Variants in SEPSECS observed in about 807,000 individuals in gnomAD.
The protein encoded by SEPSECS is O-phosphoseryl-tRNA(Sec) selenium transferase.
SEPSECS carries 42 observed loss-of-function variants against 52.1 expected under a neutral mutation model. That is an observed-to-expected ratio of 0.81 (90% CI 0.63 to 1.04). SEPSECS has a LOEUF of 1.04. Among genes scored for constraint, SEPSECS ranks in the 50% least tolerant of loss-of-function variants. The probability of loss-of-function intolerance (pLI) is 0.00; values close to 1 mark genes in which losing one functional copy is unlikely to be tolerated. For synonymous variants in SEPSECS, 216 were observed against 211.4 expected (o/e 1.02, Z -0.19); for missense variants, 590 against 610.6 (o/e 0.97, Z 0.36).
chr4:25,133,421 C>T (rs1420401494), intron 8 of SEPSECS, among the ~76,000 whole-genome samples: 1 of 152,206 alleles, frequency 6.6e-6, no homozygotes, highest in African/African-American at 2.4e-5. Context: ...TGAAACTGAG[C>T]TGCCTGCTGG....
intron 8 of SEPSECS, among the ~76,000 whole-genome samples, chr4:25,137,070 T>C (rs1400922748): frequency 6.6e-6 from 1 of 152,160 alleles, no homozygotes. Context: ...TAACTCAAGA[T>C]GGATTAAAGA....
rs1243369867 is a variant in SEPSECS at position 25,123,219 on chromosome 4, A to G, written c.*712T>C. On this transcript the variant is annotated 3_prime_UTR_variant, in exon 11 of 11. Coordinates refer to ENST00000382103, the MANE Select transcript of SEPSECS (RefSeq NM_016955.4). ...TTCTCTTTACTCAAGGAGTTTATCT[A>G]CTTTAGAGGAGTATTTCTCAACCTC... 6.6e-6 allele frequency: 1 copy of G among 152,388 alleles called. No homozygotes were observed. Among genetic ancestry groups the G allele is most frequent in the Non-Finnish European group, 1.5e-5 (1 of 68,188 alleles). The allele number at this position is 152,388 out of a possible 1,614,324, so 9.4% of individuals were successfully genotyped here. A position where few individuals can be genotyped will look rare whatever the true frequency, so the allele number is the denominator to read the frequency against.
chr4:25,140,404 A>T (rs1226587702), intron 8 of SEPSECS, among the ~76,000 whole-genome samples: 2 of 152,206 alleles, frequency 1.3e-5, no homozygotes, highest in South Asian at 4.1e-4. Context: ...ACAGCCATAT[A>T]AATCCACCAG....
chr4:25,128,782 C>G (rs1242223912), intron 8 of SEPSECS, among the ~76,000 whole-genome samples: 1 of 151,908 alleles, frequency 6.6e-6, no homozygotes, highest in Non-Finnish European at 1.5e-5. Flanking sequence ...AACAAACAGC[C>G]AGGGGCTAAC....
At chr4:25,141,635 G>A (rs1312806720) in intron 8 of SEPSECS, among the ~76,000 whole-genome samples, 1 of 152,130 alleles carries the variant, frequency 6.6e-6, no homozygotes, top group Non-Finnish European at 1.5e-5. Flanking sequence ...TATCCATCCA[G>A]CTTCTGCCCT....
At position 25,151,069 on chromosome 4, in the gene SEPSECS, T is replaced by C. The variant is rs12510462; in HGVS notation, c.804+891A>G. On this transcript the variant is annotated intron_variant, in intron 6 of 10. Transcript: ENST00000382103. ...TTGACATGTATGTCAAAACTGAGTA[T>C]GTATATTAACATCATTATGCACACA... Among the ~76,000 whole-genome samples the C allele has an allele frequency of 0.011, 1,733 of 152,342 alleles. 74 individuals are homozygous for C. The East Asian group carries it at 0.12, about 10-fold the overall frequency.
At chr4:25,149,317 C>T (rs1386445109) in intron 6 of SEPSECS, among the ~76,000 whole-genome samples, 2 of 152,098 alleles carry the variant, frequency 1.3e-5, no homozygotes, top group Non-Finnish European at 2.9e-5. Context: ...CCACAAGCTT[C>T]AGCCTTCCAA....
chr4:25,146,378 C>T (rs1396411381), intron 6 of SEPSECS, among the ~76,000 whole-genome samples: 1 of 152,252 alleles, frequency 6.6e-6, no homozygotes, highest in East Asian at 1.9e-4. Context: ...CTTAACCTTC[C>T]TCTTCCTCTT....
At chr4:25,157,605 C>T (rs1421008267) in intron 2 of SEPSECS, among the ~76,000 whole-genome samples, 1 of 148,590 alleles carries the variant, frequency 6.7e-6, no homozygotes, top group African/African-American at 2.5e-5. Flanking sequence ...AGTGCAGTGG[C>T]GCGATCTCGG....
intron 8 of SEPSECS, among the ~76,000 whole-genome samples, chr4:25,141,819 C>G (rs918286798): frequency 6.6e-6 from 1 of 152,198 alleles, no homozygotes; most frequent in South Asian, 2.1e-4. Flanking sequence ...CCTCAACTCC[C>G]ACAGTTCTCC....
At chr4:25,144,657 T>C in intron 8 of SEPSECS, 117 bp downstream of exon 8, 1 of 757,310 alleles carries the variant, frequency 1.3e-6, no homozygotes, top group East Asian at 2.5e-5. Flanking sequence ...ATAAATACTA[T>C]CGGACCATAC....
chr4:25,130,737 C>A (rs1277998266), intron 8 of SEPSECS, among the ~76,000 whole-genome samples: 1 of 152,096 alleles, frequency 6.6e-6, no homozygotes, highest in East Asian at 1.9e-4. Context: ...ATTAATATTA[C>A]TACATTTTAA....
chr4:25,145,222 A>G, intron 6 of SEPSECS, 89 bp from the exon 7 acceptor site: 1 of 1,313,350 alleles, frequency 7.6e-7, no homozygotes, highest in East Asian at 2.4e-5. Flanking sequence ...AATTATAACT[A>G]TTTGAGTTAA....
intron 1 of SEPSECS, chr4:25,159,650 T>C (rs1424916975): frequency 2.4e-5 from 8 of 339,866 alleles, no homozygotes; most frequent in African/African-American, 1.8e-4. Context: ...CGGGCGCCTG[T>C]AGTCCCAGCT....
In SEPSECS at chr4:25,144,878, G is replaced by T; in HGVS notation, c.935-13C>A. 6 of 1,605,058 alleles carry T rather than the reference G, an allele frequency of 3.7e-6. No individual in the cohort carries two copies. The highest frequency in any genetic ancestry group is 5.1e-6 in the Non-Finnish European group (6 of 1,172,012). On this transcript the variant is annotated splice_polypyrimidine_tract_variant and intron_variant, in intron 7 of 10. Coordinates refer to ENST00000382103, the MANE Select transcript of SEPSECS (RefSeq NM_016955.4). The stretch of plus-strand genomic sequence containing the variant: ...GCTGAAGCTCTTCCTGAAATAAGAA[G>T]GATAAGTTACATTAAGACTGTGGTG...
intron 8 of SEPSECS, among the ~76,000 whole-genome samples, chr4:25,138,712 T>C (rs963615398): frequency 1.3e-5 from 2 of 152,196 alleles, no homozygotes; most frequent in Non-Finnish European, 2.9e-5. Context: ...TGCTATGACA[T>C]TGTATGTTTC....
rs13109061 is a variant in SEPSECS at position 25,123,124 on chromosome 4, T to C, written c.*807A>G. The C allele has an allele frequency of 0.38, 57,591 of 152,076 alleles. 13,009 individuals carry two copies. Among genetic ancestry groups the C allele is most frequent in the Non-Finnish European group, 0.5 (33,845 of 67,916 alleles). The allele number at this position is 152,076 out of a possible 1,614,324, so 9.4% of individuals were successfully genotyped here. A position where few individuals can be genotyped will look rare whatever the true frequency, so the allele number is the denominator to read the frequency against. On this transcript the variant is annotated 3_prime_UTR_variant, in exon 11 of 11. Coordinates refer to ENST00000382103, the MANE Select transcript of SEPSECS (RefSeq NM_016955.4). The stretch of plus-strand genomic sequence containing the variant: ...CCTGGTTATCACTTAAGATTCTCTA[T>C]ATAGTATAGTTTGATGACATTTATA...
chr4:25,145,251 T>G, intron 6 of SEPSECS, 118 bp from the exon 7 acceptor site: 2 of 1,056,674 alleles, frequency 1.9e-6, no homozygotes, highest in South Asian at 1.4e-5. Flanking sequence ...TTAGCCTGAT[T>G]TAACCATTTT....
chr4:25,148,352 C>CAAAAA (rs34262935), intron 6 of SEPSECS, among the ~76,000 whole-genome samples: 10 of 75,576 alleles, frequency 1.3e-4, no homozygotes, highest in Non-Finnish European at 1.8e-4. Context: ...GACTCCGTCT[C>CAAAAA]AAAAAAAAAA....
Sources: allele counts gnomAD v4.1 joint callset (sites outside exome capture counted in the v4.1 genomes callset), GRCh38; gene constraint gnomAD v4.1.1; transcripts MANE v1.5; gene names NCBI Gene and HGNC (gene_info 2026-07-23, HGNC 2026-07-21).